The following MUTYH variants were observed in gnomAD, a reference collection of about 807,000 sequenced individuals.
MUTYH encodes the protein adenine DNA glycosylase.
Under a neutral mutation model 72.9 loss-of-function variants are expected in MUTYH, and 64 were observed. The ratio of observed to expected loss-of-function variants is 0.88; its 90% CI spans 0.72 to 1.08. MUTYH has a LOEUF of 1.08. Among genes scored for constraint, MUTYH ranks in the 50% least tolerant of loss-of-function variants. The pLI is 0.00. For missense variants in MUTYH, 633 were observed against 671.0 expected, an observed-to-expected ratio of 0.94 and a Z score of 0.63; for synonymous variants, 234 against 263.1, an observed-to-expected ratio of 0.89 and a Z score of 1.07.
rs1380281188 is a variant in MUTYH at position 45,329,404 on chromosome 1, T to G, written c.1468A>C (p.Ser490Arg). 6.2e-7 allele frequency: 1 copy of G among 1,614,014 alleles called. No homozygotes were observed. Among genetic ancestry groups the G allele is most frequent in the Non-Finnish European group, 8.5e-7 (1 of 1,180,030 alleles). ...SKRSQVSSPC[S>R]RKKPRMGQQV... ...TGGCCCATGCGGGGCTTTTTCCGACTGCACGGAGAGGACACCTGGGACCTT... is the reference window on the plus strand; with the variant it reads ...TGGCCCATGCGGGGCTTTTTCCGACGGCACGGAGAGGACACCTGGGACCTT... The change falls in exon 16 of 16, where the codon AGT becomes CGT. Residue 490 changes from serine (S) to arginine (R), a missense_variant. By Grantham distance (110) the Ser-to-Arg change is moderately radical. Coordinates refer to ENST00000456914, the MANE Select transcript of MUTYH (RefSeq NM_001048174.2).
At chr1:45,340,279 A>C (rs531738945), upstream of MUTYH, 2 of 1,613,676 alleles carry the variant, frequency 1.2e-6, no homozygotes, top group African/African-American at 1.3e-5. Context: ...ACGATGGCGC[A>C]GTTTCAGCTC....
At chr1:45,336,249 C>A (rs922558303) in intron 1 of MUTYH, among the ~76,000 whole-genome samples, 1 of 152,106 alleles carries the variant, frequency 6.6e-6, no homozygotes, top group Non-Finnish European at 1.5e-5. Context: ...TTTGGGAGGC[C>A]AAGGCAGGAG....
chr1:45,330,406 G>T, intron 15 of MUTYH, 110 bp downstream of exon 15: 1 of 1,262,854 alleles, frequency 7.9e-7, no homozygotes, highest in Non-Finnish European at 1.1e-6. Flanking sequence ...CCTCCCTCCA[G>T]TGAAGCCTGG....
At chr1:45,339,988 C>T (rs1048565967), upstream of MUTYH, 1 of 1,535,144 alleles carries the variant, frequency 6.5e-7, no homozygotes, top group African/African-American at 1.4e-5. Flanking sequence ...CCCGCGAGCT[C>T]TAGCGCGCCC....
At chr1:45,333,243 G>A (rs531771686) in intron 4 of MUTYH, 42 bp downstream of exon 4, 2 of 1,614,158 alleles carry the variant, frequency 1.2e-6, no homozygotes, top group South Asian at 1.1e-5. Flanking sequence ...AGACCCAAGG[G>A]CCTCGAGGCA....
At chr1:45,338,221 C>G (rs1240274014) in intron 1 of MUTYH, 3 of 530,304 alleles carry the variant, frequency 5.7e-6, no homozygotes, top group Admixed American at 4.5e-5. Context: ...CTGCCACACC[C>G]TTGCTCTTAG....
intron 1 of MUTYH, among the ~76,000 whole-genome samples, chr1:45,337,676 G>T (rs1280924419): frequency 6.6e-6 from 1 of 152,102 alleles, no homozygotes; most frequent in African/African-American, 2.4e-5. Context: ...GGTCGAGGCT[G>T]CAGTGAGCTA....
intron 1 of MUTYH, among the ~76,000 whole-genome samples, chr1:45,339,264 G>A (rs1328122283): frequency 7.0e-6 from 1 of 142,414 alleles, no homozygotes; most frequent in East Asian, 2.0e-4. Flanking sequence ...AGGCTGAAGT[G>A]CAAAATGGCG....
intron 15 of MUTYH, 41 bp downstream of exon 15, chr1:45,330,475 G>C (rs1361076308): frequency 1.3e-6 from 2 of 1,592,034 alleles, no homozygotes; most frequent in Non-Finnish European, 1.7e-6. Context: ...TATGGACTCA[G>C]GCCTGGGGAG....
chr1:45,330,492 T>G, intron 15 of MUTYH, 24 bp downstream of exon 15: 2 of 1,604,680 alleles, frequency 1.2e-6, no homozygotes, highest in Non-Finnish European at 1.7e-6. Context: ...GGAGACACGG[T>G]TGGGAGAGGC....
In MUTYH at chr1:45,332,473, C is replaced by T. The variant is rs1570409700; in HGVS notation, c.622G>A (p.Asp208Asn). ...CACAGCACCCGTGCTACGTTGCCAT[C>T]CACCACACCGGTTGCCTGGCACAGA... ...IAFGQATGVV[D>N]GNVARVLCRV... is the part of the protein sequence containing the mutation. The change falls in exon 9 of 16, where the codon GAT becomes AAT. Residue 208 changes from aspartate (D) to asparagine (N), a missense_variant. Transcript: ENST00000456914. 1.2e-6 allele frequency: 2 copies of T among 1,614,126 alleles called. No homozygotes were observed. Among genetic ancestry groups the T allele is most frequent in the South Asian group, 2.2e-5 (2 of 91,084 alleles).
At chr1:45,340,340 TG>T, upstream of MUTYH, 1 of 1,597,648 alleles carries the variant, frequency 6.3e-7, no homozygotes, top group East Asian at 2.3e-5. Flanking sequence ...TCAAAGCCTC[TG>T]CGCTCTGGGA....
rs1060504204 is a variant in MUTYH at position 45,332,450 on chromosome 1, C to T, written c.645G>A (p.Leu215=). Reference sequence around the variant, plus strand: ...CAGCACCAATGGCTCGGACACGGCACAGCACCCGTGCTACGTTGCCATCCA... The same window carrying T: ...CAGCACCAATGGCTCGGACACGGCATAGCACCCGTGCTACGTTGCCATCCA... ...GVVDGNVARV[L]CRVRAIGADP... is the part of the protein sequence containing the mutation. The change falls in exon 9 of 16, where the codon CTG becomes CTA. Residue 215 remains leucine, a synonymous_variant. Coordinates refer to ENST00000456914, the MANE Select transcript of MUTYH (RefSeq NM_001048174.2). The T allele has an allele frequency of 6.2e-7, 1 of 1,614,140 alleles. No homozygotes were observed. Among genetic ancestry groups the T allele is most frequent in the Admixed American group, 1.7e-5 (1 of 60,034 alleles).
chr1:45,331,748 G>A lies in MUTYH; in HGVS notation c.1015C>T (p.Pro339Ser), dbSNP rs876660262. The A allele has an allele frequency of 1.2e-6, 2 of 1,614,140 alleles. No homozygotes were observed. The highest frequency in any genetic ancestry group is 1.7e-6 in the Non-Finnish European group (2 of 1,180,004). The stretch of plus-strand genomic sequence containing the variant: ...CAGGTGGCAGAGCTCTCCTCCCTGG[G>A]GGGCTTGCGGCTGGCCTTTCTGGGG... ...NFPRKASRKPPREESSATCVL... is the reference protein window; with the variant it reads ...NFPRKASRKPSREESSATCVL... The change falls in exon 12 of 16, where the codon CCC becomes TCC. Residue 339 changes from proline (P) to serine (S), a missense_variant. By Grantham distance (74) the Pro-to-Ser change is moderately conservative. Coordinates refer to ENST00000456914, the MANE Select transcript of MUTYH (RefSeq NM_001048174.2).
At chr1:45,340,172 C>G, upstream of MUTYH, 1 of 1,610,460 alleles carries the variant, frequency 6.2e-7, no homozygotes, top group Non-Finnish European at 8.5e-7. Context: ...CGCCCCATCC[C>G]CGACTGCCTG....
chr1:45,340,077 A>T (rs914037253), upstream of MUTYH: 18 of 1,544,988 alleles, frequency 1.2e-5, no homozygotes, highest in Non-Finnish European at 1.6e-5. Context: ...ATAGGCAATT[A>T]GCGCGCGCCA....
intron 1 of MUTYH, among the ~76,000 whole-genome samples, chr1:45,335,199 T>C (rs1265616820): frequency 2.0e-5 from 3 of 152,194 alleles, no homozygotes; most frequent in African/African-American, 7.2e-5. Flanking sequence ...GCCTACTCTA[T>C]GTCAGACCCC....
upstream of MUTYH, chr1:45,340,335 G>A (rs373902321): frequency 3.1e-6 from 5 of 1,601,608 alleles, no homozygotes; most frequent in Non-Finnish European, 4.3e-6. Flanking sequence ...AGCCTTCAAA[G>A]CCTCTGCGCT....
chr1:45,338,942 C>G (rs1646438351), intron 1 of MUTYH, among the ~76,000 whole-genome samples: 1 of 151,790 alleles, frequency 6.6e-6, no homozygotes. Flanking sequence ...TTTTAATTTT[C>G]TTTTTGTAGA....
Sources: gnomAD v4.1 joint callset for allele counts (sites outside exome capture counted in the v4.1 genomes callset) on GRCh38, gnomAD v4.1.1 for gene constraint, MANE v1.5 for transcripts, NCBI Gene and HGNC (gene_info 2026-07-23, HGNC 2026-07-21) for gene names.